Variants in UQCC1 observed in about 807,000 individuals in gnomAD.
UQCC1 encodes the protein ubiquinol-cytochrome c reductase complex assembly factor 1, also known as bFGF-repressed Zic-binding protein.
UQCC1 carries 38 observed loss-of-function variants against 48.0 expected under a neutral mutation model. The observed-to-expected ratio is 0.79, with a 90% CI of 0.61 to 1.04. The LOEUF (loss-of-function observed/expected upper bound fraction) is 1.04. Among genes scored for constraint, UQCC1 ranks in the 50% least tolerant of loss-of-function variants. The pLI is 0.00. For synonymous variants in UQCC1, 111 were observed against 129.2 expected (o/e 0.86, Z 0.95); for missense variants, 368 against 381.8 (o/e 0.96, Z 0.30).
chr20:35,387,732 C>A (rs1420628081), intron 2 of UQCC1, among the ~76,000 whole-genome samples: 2 of 151,846 alleles, frequency 1.3e-5, no homozygotes, highest in African/African-American at 4.8e-5. Context: ...AACCTTTTCA[C>A]TTCACAGATG....
At chr20:35,397,878 C>A (rs920647892) in intron 1 of UQCC1, among the ~76,000 whole-genome samples, 1 of 152,112 alleles carries the variant, frequency 6.6e-6, no homozygotes, top group Non-Finnish European at 1.5e-5. Context: ...AGTAATTTAA[C>A]CTCTGTGACA....
intron 7 of UQCC1, among the ~76,000 whole-genome samples, chr20:35,318,016 C>T (rs1438630478): frequency 6.6e-6 from 1 of 152,172 alleles, no homozygotes; most frequent in African/African-American, 2.4e-5. Context: ...CCTCCTGATA[C>T]CCATACTTGG....
At chr20:35,371,721 A>G (rs944554984) in intron 5 of UQCC1, among the ~76,000 whole-genome samples, 6 of 139,738 alleles carry the variant, frequency 4.3e-5, no homozygotes, top group Non-Finnish European at 9.5e-5. Context: ...AAAAAAAAAA[A>G]CAGGCTGGGC....
intron 8 of UQCC1, among the ~76,000 whole-genome samples, chr20:35,313,966 T>C (rs374706785): frequency 2.1e-4 from 32 of 151,292 alleles, no homozygotes; most frequent in East Asian, 1.8e-3. Flanking sequence ...TTTATTTTTA[T>C]TTATTTATCT....
At chr20:35,411,117 A>G (rs958250078) in intron 1 of UQCC1, among the ~76,000 whole-genome samples, 13 of 152,216 alleles carry the variant, frequency 8.5e-5, no homozygotes, top group Non-Finnish European at 1.8e-4. Context: ...AAGACTCGCT[A>G]AAACTATACA....
intron 7 of UQCC1, chr20:35,315,286 CT>C (rs2061044660): frequency 6.5e-6 from 1 of 155,018 alleles, no homozygotes; most frequent in Non-Finnish European, 1.4e-5. Context: ...AGAGAGCATT[CT>C]AGACAGAGCA....
At chr20:35,354,557 G>A (rs1456447126) in intron 6 of UQCC1, among the ~76,000 whole-genome samples, 2 of 151,906 alleles carry the variant, frequency 1.3e-5, no homozygotes, top group South Asian at 2.1e-4. Context: ...CCACCACACC[G>A]GGCTAATTTT....
intron 2 of UQCC1, among the ~76,000 whole-genome samples, chr20:35,384,858 T>C (rs2061919612): frequency 6.7e-6 from 1 of 148,976 alleles, no homozygotes; most frequent in Non-Finnish European, 1.5e-5. Flanking sequence ...TCCCAGTTAC[T>C]CAGGAGGCTG....
intron 7 of UQCC1, among the ~76,000 whole-genome samples, chr20:35,338,856 GAAAAAAAAAAAAAAAAAAA>G (rs1172467457): frequency 0.046 from 1,242 of 26,890 alleles, 67 homozygotes; most frequent in Middle Eastern, 0.19. Context: ...CGTCTCAAAA[GAAAAAAAAAAAAAAAAAAA>G]AAAAAAAAAA....
intron 5 of UQCC1, among the ~76,000 whole-genome samples, chr20:35,371,964 G>T (rs1168614335): frequency 6.6e-6 from 1 of 152,004 alleles, no homozygotes; most frequent in Non-Finnish European, 1.5e-5. Context: ...TGCAGTAAAA[G>T]GGCTAGAGCC....
At chr20:35,333,062 AAAAGGTTC>A (rs2061275198) in intron 7 of UQCC1, among the ~76,000 whole-genome samples, 1 of 152,228 alleles carries the variant, frequency 6.6e-6, no homozygotes. Context: ...TTCCAAAAAA[AAAAGGTTC>A]AAATTGGATT....
intron 5 of UQCC1, among the ~76,000 whole-genome samples, chr20:35,366,937 T>C (rs912470440): frequency 2.0e-5 from 3 of 151,408 alleles, no homozygotes; most frequent in Admixed American, 6.6e-5. Flanking sequence ...CTACTAAAAA[T>C]ACAAAAATTA....
chr20:35,391,617 G>T (rs1249796302), intron 2 of UQCC1, among the ~76,000 whole-genome samples: 2 of 137,350 alleles, frequency 1.5e-5, no homozygotes, highest in Non-Finnish European at 3.1e-5. Flanking sequence ...CTGGACGACA[G>T]AGTGGGACTC....
chr20:35,322,060 G>A (rs779223876), intron 7 of UQCC1, among the ~76,000 whole-genome samples: 27 of 152,256 alleles, frequency 1.8e-4, no homozygotes, highest in Middle Eastern at 3.4e-3. Context: ...TTTAACTTTC[G>A]TCTCTTTTAG....
chr20:35,405,184 G>A (rs2062233546), intron 1 of UQCC1, among the ~76,000 whole-genome samples: 1 of 152,188 alleles, frequency 6.6e-6, no homozygotes, highest in African/African-American at 2.4e-5. Flanking sequence ...GATACTCACT[G>A]CTTCCAGGCA....
intron 1 of UQCC1, among the ~76,000 whole-genome samples, chr20:35,408,841 C>A (rs183886973): frequency 6.6e-6 from 1 of 150,842 alleles, no homozygotes; most frequent in Non-Finnish European, 1.5e-5. Context: ...CATGACAGAG[C>A]GAGACCCTAT....
intron 5 of UQCC1, among the ~76,000 whole-genome samples, chr20:35,371,219 G>C (rs1484231651): frequency 6.6e-6 from 1 of 151,998 alleles, no homozygotes; most frequent in Non-Finnish European, 1.5e-5. Flanking sequence ...ATAATGAACA[G>C]CTGGCCAAGA....
chr20:35,332,397 T>C (rs1308060887), intron 7 of UQCC1, among the ~76,000 whole-genome samples: 1 of 152,244 alleles, frequency 6.6e-6, no homozygotes, highest in East Asian at 1.9e-4. Flanking sequence ...CTAGAAGGTA[T>C]GGGATTCCCA....
At chr20:35,388,938 G>A (rs1180853630) in intron 2 of UQCC1, among the ~76,000 whole-genome samples, 5 of 151,788 alleles carry the variant, frequency 3.3e-5, no homozygotes, top group East Asian at 1.9e-4. Flanking sequence ...TGGTGTGTGC[G>A]CCTGTAGTCC....
Sources: gnomAD v4.1 joint callset for allele counts (sites outside exome capture counted in the v4.1 genomes callset) on GRCh38, gnomAD v4.1.1 for gene constraint, MANE v1.5 for transcripts, NCBI Gene and HGNC (gene_info 2026-07-23, HGNC 2026-07-21) for gene names.